The following FHIT variants were observed in gnomAD, a reference collection of about 807,000 sequenced individuals.
FHIT encodes the protein bis(5'-adenosyl)-triphosphatase.
FHIT carries 19 observed loss-of-function variants against 17.9 expected under a neutral mutation model. The observed-to-expected ratio is 1.06, with a 90% CI of 0.74 to 1.56. The LOEUF is 1.56. Among genes scored for constraint, FHIT ranks in the 40% most tolerant of loss-of-function variants. The pLI is 0.00. For missense variants in FHIT, 248 were observed against 189.2 expected, an observed-to-expected ratio of 1.31 and a Z score of -1.82; for synonymous variants, 81 against 69.7, an observed-to-expected ratio of 1.16 and a Z score of -0.81.
chr3:60,293,436 C>G (rs1708074339), intron 5 of FHIT, among the ~76,000 whole-genome samples: 1 of 152,140 alleles, frequency 6.6e-6, no homozygotes, highest in Non-Finnish European at 1.5e-5. Flanking sequence ...GCTTCAAAGT[C>G]ACTAATTTCC....
chr3:60,071,395 A>G (rs1027120694), intron 5 of FHIT, among the ~76,000 whole-genome samples: 1 of 152,164 alleles, frequency 6.6e-6, no homozygotes, highest in Non-Finnish European at 1.5e-5. Flanking sequence ...AAATTACACA[A>G]GTGGCTTGCA....
intron 5 of FHIT, among the ~76,000 whole-genome samples, chr3:60,342,943 T>C (rs936797699): frequency 6.6e-6 from 1 of 152,158 alleles, no homozygotes; most frequent in African/African-American, 2.4e-5. Flanking sequence ...AGAAATTATA[T>C]TAGTAAACTC....
At chr3:60,375,485 G>T (rs1205987306) in intron 5 of FHIT, among the ~76,000 whole-genome samples, 1 of 151,946 alleles carries the variant, frequency 6.6e-6, no homozygotes, top group Non-Finnish European at 1.5e-5. Flanking sequence ...TGAGGCACAA[G>T]AATCTCTTGA....
At chr3:60,829,338 C>G (rs1553741849) in intron 3 of FHIT, among the ~76,000 whole-genome samples, 1 of 152,180 alleles carries the variant, frequency 6.6e-6, no homozygotes, top group Non-Finnish European at 1.5e-5. Flanking sequence ...AATGCTTTCT[C>G]TGGTCAGACA....
At chr3:60,422,668 T>C (rs546319945) in intron 5 of FHIT, among the ~76,000 whole-genome samples, 28 of 152,244 alleles carry the variant, frequency 1.8e-4, no homozygotes, top group Admixed American at 3.9e-4. Flanking sequence ...ATGGCTTTCA[T>C]TTCGTAATGG....
At chr3:60,674,454 AT>A (rs2040577142) in intron 4 of FHIT, among the ~76,000 whole-genome samples, 2 of 152,146 alleles carry the variant, frequency 1.3e-5, no homozygotes, top group South Asian at 4.2e-4. Flanking sequence ...ACATCCAGTA[AT>A]TTTTTTGTTG....
intron 5 of FHIT, among the ~76,000 whole-genome samples, chr3:60,234,118 T>G (rs1233382630): frequency 6.6e-6 from 1 of 152,198 alleles, no homozygotes; most frequent in Admixed American, 6.5e-5. Flanking sequence ...GTGCCTATGA[T>G]AGTGCCTAGC....
intron 4 of FHIT, chr3:60,690,210 C>G (rs1553699263): frequency 4.1e-6 from 2 of 493,360 alleles, no homozygotes; most frequent in Non-Finnish European, 7.8e-6. Context: ...TAAGATAAAA[C>G]ACAAGTCAAA....
chr3:60,120,217 A>G (rs567108316), intron 5 of FHIT, among the ~76,000 whole-genome samples: 1 of 152,122 alleles, frequency 6.6e-6, no homozygotes, highest in Non-Finnish European at 1.5e-5. Context: ...TGTCCACCCA[A>G]CTGGACAGTA....
intron 4 of FHIT, among the ~76,000 whole-genome samples, chr3:60,710,386 G>A (rs576495158): frequency 2.8e-4 from 43 of 152,306 alleles, no homozygotes; most frequent in African/African-American, 9.4e-4. Context: ...TGAGGTACCC[G>A]GTTCATCTCA....
chr3:60,505,475 A>C (rs1428683617), intron 5 of FHIT, among the ~76,000 whole-genome samples: 1 of 152,200 alleles, frequency 6.6e-6, no homozygotes. Flanking sequence ...ATTTTCCCTA[A>C]AACTTCTTTT....
chr3:60,273,883 C>G (rs1318051447), intron 5 of FHIT, among the ~76,000 whole-genome samples: 1 of 152,046 alleles, frequency 6.6e-6, no homozygotes, highest in African/African-American at 2.4e-5. Context: ...TGTTCTGAAA[C>G]ATTTACAGAA....
At chr3:61,049,417 A>G (rs2106641925) in intron 2 of FHIT, among the ~76,000 whole-genome samples, 2 of 152,126 alleles carry the variant, frequency 1.3e-5, no homozygotes, top group Non-Finnish European at 2.9e-5. Context: ...GAAAACTGCT[A>G]TTTTGCATCC....
chr3:59,829,011 T>G (rs1236450472), intron 8 of FHIT, among the ~76,000 whole-genome samples: 1 of 152,112 alleles, frequency 6.6e-6, no homozygotes, highest in African/African-American at 2.4e-5. Context: ...CACAATGACT[T>G]TGAAGAAACA....
rs551657534 is a variant in FHIT at position 60,146,393 on chromosome 3, C to T, written c.104-132241G>A. On this transcript the variant is annotated intron_variant, in intron 5 of 9. Transcript: ENST00000492590. ...GGGATGAGCCATCCCCAGCATGATA[C>T]TAGATCCAGCTATCAAACAATATCA... 3.3e-5 allele frequency among the ~76,000 whole-genome samples: 5 copies of T among 152,072 alleles called. No individual in the cohort carries two copies. The South Asian group carries it at 1.0e-3, about 32-fold the overall frequency.
At chr3:61,162,744 A>C (rs1419535388) in intron 2 of FHIT, among the ~76,000 whole-genome samples, 1 of 152,200 alleles carries the variant, frequency 6.6e-6, no homozygotes. Context: ...AATGCAAAAT[A>C]ATTCTTGCCT....
intron 4 of FHIT, among the ~76,000 whole-genome samples, chr3:60,558,325 G>A (rs1418449296): frequency 6.6e-6 from 1 of 151,920 alleles, no homozygotes; most frequent in Non-Finnish European, 1.5e-5. Context: ...GCTCAGGCCA[G>A]GGTTTCAAGC....
intron 5 of FHIT, among the ~76,000 whole-genome samples, chr3:60,534,212 G>T (rs1209203199): frequency 2.0e-5 from 3 of 150,858 alleles, no homozygotes; most frequent in Non-Finnish European, 4.4e-5. Flanking sequence ...TGGATCATGA[G>T]GTCAGGAGAT....
intron 5 of FHIT, among the ~76,000 whole-genome samples, chr3:60,169,562 A>G (rs921660955): frequency 2.6e-5 from 4 of 152,324 alleles, no homozygotes; most frequent in Non-Finnish European, 5.9e-5. Flanking sequence ...GAGAAACAGA[A>G]AACTATTAAG....
Sources: gnomAD v4.1 joint callset for allele counts (sites outside exome capture counted in the v4.1 genomes callset) on GRCh38, gnomAD v4.1.1 for gene constraint, MANE v1.5 for transcripts, NCBI Gene and HGNC (gene_info 2026-07-23, HGNC 2026-07-21) for gene names.